SLC41A2: variants seen among roughly 807,000 people sequenced by gnomAD.
The protein encoded by SLC41A2 is solute carrier family 41 member 2.
In SLC41A2, 32 loss-of-function variants were observed where a neutral mutation model predicts 58.3. The ratio of observed to expected loss-of-function variants is 0.55; its 90% CI spans 0.41 to 0.74. The LOEUF (loss-of-function observed/expected upper bound fraction) is 0.74, where lower values mean the gene tolerates loss of function less well. SLC41A2 is among the 30% of genes least tolerant of loss of function. The probability of loss-of-function intolerance (pLI) is 0.00; values close to 1 mark genes in which losing one functional copy is unlikely to be tolerated. For missense variants in SLC41A2, 514 were observed against 680.6 expected (o/e 0.76, Z 2.72); for synonymous variants, 190 against 235.0 (o/e 0.81, Z 1.75).
In SLC41A2 at chr12:104,958,165, G is replaced by C. The variant is rs1486860022; in HGVS notation, c.-245C>G. ...CCTCAGACCAGACCGAGACACCAGGGGCGGGGGATGGAAGGGGCATTCACC... is the reference window on the plus strand; with the variant it reads ...CCTCAGACCAGACCGAGACACCAGGCGCGGGGGATGGAAGGGGCATTCACC... On this transcript the variant is annotated 5_prime_UTR_variant, in exon 1 of 11. Transcript: ENST00000258538. 1 of 152,180 alleles carries C rather than the reference G, an allele frequency of 6.6e-6. No individual in the cohort carries two copies. The highest frequency in any genetic ancestry group is 1.5e-5 in the Non-Finnish European group (1 of 68,346). The allele number at this position is 152,180 out of a possible 1,614,324, so 9.4% of individuals were successfully genotyped here.
chr12:104,932,459 T>C (rs1327188651), intron 1 of SLC41A2, among the ~76,000 whole-genome samples: 5 of 151,792 alleles, frequency 3.3e-5, no homozygotes, highest in Admixed American at 3.3e-4. Context: ...ACCTTGTCTC[T>C]ACAAAAAATG....
At chr12:104,884,986 A>C (rs1468562489) in intron 6 of SLC41A2, among the ~76,000 whole-genome samples, 1 of 152,182 alleles carries the variant, frequency 6.6e-6, no homozygotes, top group Admixed American at 6.5e-5. Flanking sequence ...AACAATACAA[A>C]TTAGAGCAAA....
At position 104,802,105 on chromosome 12, in the gene SLC41A2, ATTTT is replaced by A. The variant is rs1346741795; in HGVS notation, c.*3043_*3046del. Among the ~76,000 whole-genome samples, 1 of 152,146 alleles carries A rather than the reference ATTTT, an allele frequency of 6.6e-6. No individual in the cohort carries two copies. Among genetic ancestry groups the A allele is most frequent in the African/African-American group, 2.4e-5 (1 of 41,432 alleles). ...TATCATTGATAGTCTATGGTGTGGA[ATTTT>A]TGGACACCTACCAGAACACATATTA... On this transcript the variant is annotated 3_prime_UTR_variant, in exon 11 of 11. Coordinates refer to ENST00000258538, the MANE Select transcript of SLC41A2 (RefSeq NM_001352171.3).
At chr12:104,906,284 G>T (rs2135761238) in intron 3 of SLC41A2, among the ~76,000 whole-genome samples, 1 of 152,244 alleles carries the variant, frequency 6.6e-6, no homozygotes, top group South Asian at 2.1e-4. Flanking sequence ...TGAGACCAAG[G>T]TATCTCAAGT....
intron 1 of SLC41A2, among the ~76,000 whole-genome samples, chr12:104,953,127 T>C (rs1379644516): frequency 6.6e-6 from 1 of 152,224 alleles, no homozygotes; most frequent in South Asian, 2.1e-4. Context: ...TCCATAAATA[T>C]TTAACCAGTA....
intron 5 of SLC41A2, 138 bp downstream of exon 5, chr12:104,888,895 A>G: frequency 2.3e-6 from 2 of 877,210 alleles, no homozygotes; most frequent in South Asian, 4.6e-5. Flanking sequence ...TGGAATAACT[A>G]AGGCATTTTT....
At chr12:104,902,188 G>A (rs34626201) in intron 3 of SLC41A2, among the ~76,000 whole-genome samples, 95,165 of 151,456 alleles carry the variant, frequency 0.63, 30,572 homozygotes, top group African/African-American at 0.76. Flanking sequence ...GTTAAAAAGA[G>A]ACCATACTAA....
intron 1 of SLC41A2, among the ~76,000 whole-genome samples, chr12:104,956,327 T>G (rs1248150316): frequency 6.6e-6 from 1 of 152,192 alleles, no homozygotes; most frequent in African/African-American, 2.4e-5. Context: ...AGTGCCAGTA[T>G]CCAAACCTAT....
chr12:104,915,982 G>A (rs895972560), intron 2 of SLC41A2, among the ~76,000 whole-genome samples: 6 of 152,146 alleles, frequency 3.9e-5, no homozygotes, highest in African/African-American at 1.2e-4. Context: ...AGCATAAGGG[G>A]TTGTTGAATT....
chr12:104,864,628 T>A (rs973063604), intron 7 of SLC41A2, among the ~76,000 whole-genome samples: 5 of 152,172 alleles, frequency 3.3e-5, no homozygotes. Context: ...GAGAATTTTC[T>A]CTCCTTATCA....
At chr12:104,950,274 G>C (rs996127218) in intron 1 of SLC41A2, among the ~76,000 whole-genome samples, 3 of 152,164 alleles carry the variant, frequency 2.0e-5, no homozygotes, top group African/African-American at 7.2e-5. Flanking sequence ...CCTGGTAGGA[G>C]GTGGTTGGAT....
chr12:104,859,759 G>T (rs1413560514), intron 8 of SLC41A2, among the ~76,000 whole-genome samples: 1 of 151,836 alleles, frequency 6.6e-6, no homozygotes, highest in African/African-American at 2.4e-5. Context: ...TTGAGACAAG[G>T]TCTTGCTCTG....
At chr12:104,846,019 CA>C in intron 8 of SLC41A2, 45 bp from the exon 9 acceptor site, 2 of 1,584,354 alleles carry the variant, frequency 1.3e-6, no homozygotes, top group Non-Finnish European at 1.7e-6. Flanking sequence ...ATATTTTAAA[CA>C]ATTTGCATAA....
At chr12:104,924,455 C>G (rs1468656137) in intron 2 of SLC41A2, among the ~76,000 whole-genome samples, 3 of 152,312 alleles carry the variant, frequency 2.0e-5, no homozygotes, top group Admixed American at 1.3e-4. Flanking sequence ...CATCAAAAGT[C>G]TGGAAGCAGC....
chr12:104,871,865 T>G (rs2043797028), intron 6 of SLC41A2, among the ~76,000 whole-genome samples: 1 of 152,098 alleles, frequency 6.6e-6, no homozygotes, highest in Non-Finnish European at 1.5e-5. Flanking sequence ...TATATCCTCA[T>G]AAGAGAAGGT....
At chr12:104,956,765 A>G (rs2048185716) in intron 1 of SLC41A2, among the ~76,000 whole-genome samples, 1 of 152,238 alleles carries the variant, frequency 6.6e-6, no homozygotes, top group Non-Finnish European at 1.5e-5. Flanking sequence ...ATTTTCTCCA[A>G]AGAAAATATA....
At chr12:104,818,686 G>A (rs1394671563) in intron 10 of SLC41A2, among the ~76,000 whole-genome samples, 1 of 152,122 alleles carries the variant, frequency 6.6e-6, no homozygotes, top group East Asian at 1.9e-4. Flanking sequence ...AGACCTGCCT[G>A]GCCAACATGG....
At chr12:104,904,318 C>T (rs945243688) in intron 3 of SLC41A2, among the ~76,000 whole-genome samples, 3 of 152,158 alleles carry the variant, frequency 2.0e-5, no homozygotes, top group African/African-American at 7.2e-5. Context: ...AAACTAAAGG[C>T]ACCTTTTAAC....
chr12:104,843,862 C>A (rs1216085390), intron 10 of SLC41A2, among the ~76,000 whole-genome samples: 3 of 152,078 alleles, frequency 2.0e-5, no homozygotes, highest in Admixed American at 6.6e-5. Flanking sequence ...TATAATGCTT[C>A]TGAGCATATA....
Sources: gnomAD v4.1 joint callset for allele counts (sites outside exome capture counted in the v4.1 genomes callset) on GRCh38, gnomAD v4.1.1 for gene constraint, MANE v1.5 for transcripts, NCBI Gene and HGNC (gene_info 2026-07-23, HGNC 2026-07-21) for gene names.